COL22A1: variants seen among roughly 807,000 people sequenced by gnomAD.
The protein encoded by COL22A1 is collagen alpha-1(XXII) chain.
Under a neutral mutation model 248.9 loss-of-function variants are expected in COL22A1, and 221 were observed. The observed-to-expected ratio is 0.89, with a 90% CI of 0.80 to 0.99. The LOEUF (loss-of-function observed/expected upper bound fraction) is 0.99. Among genes scored for constraint, COL22A1 ranks in the 50% least tolerant of loss-of-function variants. The pLI is 0.00. For missense variants in COL22A1, 2,240 were observed against 2,179.0 expected (o/e 1.03, Z -0.56); for synonymous variants, 891 against 793.4 (o/e 1.12, Z -2.07).
intron 12 of COL22A1, among the ~76,000 whole-genome samples, chr8:138,782,777 T>TG (rs200856483): frequency 0.01 from 1,599 of 152,290 alleles, 29 homozygotes; most frequent in African/African-American, 0.036. Context: ...AGAATTGGGC[T>TG]TCCTGGTACT....
chr8:138,800,776 T>A (rs2131621485), intron 11 of COL22A1, among the ~76,000 whole-genome samples: 1 of 152,300 alleles, frequency 6.6e-6, no homozygotes, highest in South Asian at 2.1e-4. Flanking sequence ...CAGAATGTCC[T>A]CCCAATCTCC....
intron 9 of COL22A1, 150 bp downstream of exon 9, chr8:138,811,649 A>C: frequency 2.3e-6 from 2 of 863,110 alleles, no homozygotes; most frequent in African/African-American, 1.7e-5. Context: ...ACAAGAAGCA[A>C]GAGGTCCAAG....
chr8:138,835,762 TGTGGCCTTGA>T (rs1820382526), intron 4 of COL22A1, among the ~76,000 whole-genome samples: 1 of 152,214 alleles, frequency 6.6e-6, no homozygotes, highest in Admixed American at 6.5e-5. Flanking sequence ...AAATGAGCTG[TGTGGCCTTGA>T]GTACGAGCCT....
chr8:138,813,612 AGGGGCTTC>A (rs1172036790), intron 7 of COL22A1, among the ~76,000 whole-genome samples: 13 of 65,398 alleles, frequency 2.0e-4, no homozygotes, highest in African/African-American at 6.1e-4. Context: ...CCCCCGTGCA[AGGGGCTTC>A]AGGACACGTT....
At chr8:138,832,950 G>T in intron 5 of COL22A1, 89 bp downstream of exon 5, 1 of 853,534 alleles carries the variant, frequency 1.2e-6, no homozygotes, top group Non-Finnish European at 2.0e-6. Context: ...GCCCGGCTCG[G>T]TGCCAAGTAT....
Position 138,748,716 on chromosome 8 carries a change from T to C in COL22A1, c.2085+2742A>G, listed in dbSNP as rs145997562. On this transcript the variant is annotated intron_variant, in intron 22 of 64. Coordinates refer to ENST00000303045, the MANE Select transcript of COL22A1 (RefSeq NM_152888.3). ...AGTGAATTGCCCAATTTCCAAGGCC[T>C]GTGGGTTGTGTTAAGCTCAGATCAG... 1.6e-4 allele frequency among the ~76,000 whole-genome samples: 25 copies of C among 152,330 alleles called. No individual in the cohort carries two copies. The East Asian group carries it at 4.8e-3, about 29-fold the overall frequency.
chr8:138,741,976 AGAGTTGATGGTGATGGTG>A (rs1831608227), intron 22 of COL22A1, among the ~76,000 whole-genome samples: 1 of 116,212 alleles, frequency 8.6e-6, no homozygotes, highest in Non-Finnish European at 1.8e-5. Flanking sequence ...TGGTGATGGT[AGAGTTGATGGTGATGGTG>A]GAGTTGATGG....
At chr8:138,855,605 T>C (rs916342460) in intron 3 of COL22A1, among the ~76,000 whole-genome samples, 7 of 152,206 alleles carry the variant, frequency 4.6e-5, no homozygotes, top group Non-Finnish European at 8.8e-5. Flanking sequence ...TCACAACCCC[T>C]GTGCAGTAGC....
rs1213741429 is a variant in COL22A1 at position 138,779,569 on chromosome 8, A to C, written c.1651-7T>G. 16 of 1,610,618 alleles carry C rather than the reference A, an allele frequency of 9.9e-6. No homozygotes were observed. Among genetic ancestry groups the C allele is most frequent in the Non-Finnish European group, 1.4e-5 (16 of 1,176,844 alleles). On this transcript the variant is annotated splice_region_variant and splice_polypyrimidine_tract_variant and intron_variant, in intron 13 of 64. Transcript: ENST00000303045. The stretch of plus-strand genomic sequence containing the variant: ...CCAGCTCTCCTGGCTCCCCCTGAAC[A>C]AACAAAACAACACAAAGTCATAGGC...
intron 1 of COL22A1, among the ~76,000 whole-genome samples, chr8:138,908,006 C>T (rs908396839): frequency 3.9e-5 from 6 of 152,170 alleles, no homozygotes; most frequent in South Asian, 2.1e-4. Flanking sequence ...AACACCTGTC[C>T]GTCCATGCAG....
At chr8:138,853,494 T>C (rs937473531) in intron 3 of COL22A1, among the ~76,000 whole-genome samples, 2 of 152,080 alleles carry the variant, frequency 1.3e-5, no homozygotes, top group African/African-American at 2.4e-5. Flanking sequence ...AAGAAGAGAC[T>C]CCCTCTTTAA....
intron 44 of COL22A1, among the ~76,000 whole-genome samples, chr8:138,658,271 G>C (rs574156902): frequency 6.6e-6 from 1 of 152,320 alleles, no homozygotes; most frequent in South Asian, 2.1e-4. Context: ...GCTGCTGCCT[G>C]GTTCCTGGGA....
intron 8 of COL22A1, 133 bp downstream of exon 8, chr8:138,812,806 C>A: frequency 1.4e-6 from 1 of 721,278 alleles, no homozygotes; most frequent in Non-Finnish European, 2.5e-6. Flanking sequence ...CCCTAAGCTC[C>A]CTCTCAGGCC....
intron 3 of COL22A1, among the ~76,000 whole-genome samples, chr8:138,858,961 G>A (rs1822244006): frequency 1.3e-5 from 2 of 152,168 alleles, no homozygotes; most frequent in Non-Finnish European, 2.9e-5. Context: ...GAAGCCCCAG[G>A]AGGCCAGGCC....
At chr8:138,623,064 G>T (rs1819936321) in intron 52 of COL22A1, among the ~76,000 whole-genome samples, 1 of 151,670 alleles carries the variant, frequency 6.6e-6, no homozygotes. Flanking sequence ...ACAGATACGG[G>T]TCTCTGTAAA....
intron 1 of COL22A1, among the ~76,000 whole-genome samples, chr8:138,907,994 G>A (rs534860914): frequency 1.9e-4 from 29 of 152,200 alleles, no homozygotes; most frequent in African/African-American, 6.5e-4. Context: ...CACTCAAATC[G>A]TAACACCTGT....
intron 21 of COL22A1, 91 bp downstream of exon 21, chr8:138,755,066 A>C: frequency 1.5e-6 from 2 of 1,326,896 alleles, no homozygotes; most frequent in Non-Finnish European, 2.2e-6. Context: ...AGATAATGCC[A>C]TGCTCAGCGC....
intron 56 of COL22A1, among the ~76,000 whole-genome samples, chr8:138,612,778 T>A (rs1248159151): frequency 2.0e-5 from 3 of 150,712 alleles, no homozygotes; most frequent in African/African-American, 7.3e-5. Context: ...AATAAAAAAA[T>A]AAAAAAATAA....
intron 3 of COL22A1, among the ~76,000 whole-genome samples, chr8:138,865,188 T>C (rs772959718): frequency 1.3e-5 from 2 of 152,196 alleles, no homozygotes; most frequent in Non-Finnish European, 2.9e-5. Context: ...AGAGTTTTTT[T>C]TTTCTGGGCA....
Sources: allele counts gnomAD v4.1 joint callset (sites outside exome capture counted in the v4.1 genomes callset), GRCh38; gene constraint gnomAD v4.1.1; transcripts MANE v1.5; gene names NCBI Gene and HGNC (gene_info 2026-07-23, HGNC 2026-07-21).